SYNPR: variants seen among roughly 807,000 people sequenced by gnomAD.
The protein encoded by SYNPR is synaptoporin.
In SYNPR, 23 loss-of-function variants were observed where a neutral mutation model predicts 32.9. That is an observed-to-expected ratio of 0.70 (90% CI 0.50 to 0.99). The LOEUF (loss-of-function observed/expected upper bound fraction) is 0.99. Among genes scored for constraint, SYNPR ranks in the 50% least tolerant of loss-of-function variants. The pLI, the probability that SYNPR is intolerant of heterozygous loss-of-function variation, is 0.00. For missense variants in SYNPR, 318 were observed against 349.3 expected (o/e 0.91, Z 0.71); for synonymous variants, 146 against 135.9 (o/e 1.07, Z -0.52).
chr3:63,348,581 C>A (rs1166335649), intron 2 of SYNPR, among the ~76,000 whole-genome samples: 1 of 152,076 alleles, frequency 6.6e-6, no homozygotes, highest in Non-Finnish European at 1.5e-5. Context: ...CTTTTGACAT[C>A]TTAGTTTATT....
At chr3:63,604,503 C>CA (rs1700090194) in intron 4 of SYNPR, among the ~76,000 whole-genome samples, 1 of 152,158 alleles carries the variant, frequency 6.6e-6, no homozygotes, top group Non-Finnish European at 1.5e-5. Flanking sequence ...TCCCTCTTAA[C>CA]ACTGCTTTCG....
At chr3:63,282,953 A>G (rs546958304) in intron 2 of SYNPR, among the ~76,000 whole-genome samples, 1 of 152,302 alleles carries the variant, frequency 6.6e-6, no homozygotes, top group East Asian at 1.9e-4. Context: ...CGTGTGTGCA[A>G]TTTGTATGAA....
At chr3:63,359,379 C>G (rs1345711382) in intron 2 of SYNPR, among the ~76,000 whole-genome samples, 2 of 152,220 alleles carry the variant, frequency 1.3e-5, no homozygotes, top group Non-Finnish European at 2.9e-5. Context: ...AACCACACTA[C>G]CGTTAGGAGA....
At chr3:63,576,487 T>G (rs916769627) in intron 4 of SYNPR, among the ~76,000 whole-genome samples, 3 of 152,038 alleles carry the variant, frequency 2.0e-5, no homozygotes, top group African/African-American at 7.2e-5. Flanking sequence ...CAGTTTTCCA[T>G]GCATAGAAAA....
chr3:63,399,715 T>G (rs150974295), intron 2 of SYNPR, among the ~76,000 whole-genome samples: 2 of 152,268 alleles, frequency 1.3e-5, no homozygotes, highest in African/African-American at 4.8e-5. Flanking sequence ...TAGGTTATTG[T>G]GCCAAGTTTA....
chr3:63,487,289 T>C (rs777478099), intron 3 of SYNPR, among the ~76,000 whole-genome samples: 10 of 152,314 alleles, frequency 6.6e-5, no homozygotes, highest in Non-Finnish European at 1.5e-4. Flanking sequence ...AGCTACTTAT[T>C]AGCTGTATGA....
intron 2 of SYNPR, among the ~76,000 whole-genome samples, chr3:63,291,797 AT>A (rs1319524620): frequency 6.6e-6 from 1 of 152,028 alleles, no homozygotes; most frequent in Non-Finnish European, 1.5e-5. Context: ...CAGTACGTAA[AT>A]TTGAAGTATA....
intron 1 of SYNPR, among the ~76,000 whole-genome samples, chr3:63,234,604 A>G (rs566451100): frequency 6.6e-6 from 1 of 152,336 alleles, no homozygotes; most frequent in African/African-American, 2.4e-5. Flanking sequence ...TCTCAGCTAT[A>G]CAGAAATTCT....
At chr3:63,268,825 A>G (rs17373870) in intron 3 of SYNPR, among the ~76,000 whole-genome samples, 38,384 of 152,136 alleles carry the variant, frequency 0.25, 5,736 homozygotes, top group Admixed American at 0.34. Flanking sequence ...TTATTTTATT[A>G]CAAGGAAGTT....
chr3:63,514,389 G>GA, intron 3 of SYNPR, among the ~76,000 whole-genome samples: 1 of 152,312 alleles, frequency 6.6e-6, no homozygotes, highest in African/African-American at 2.4e-5. Context: ...GAACATCATG[G>GA]AAAATGGAAC....
intron 2 of SYNPR, among the ~76,000 whole-genome samples, chr3:63,262,740 C>G (rs1278502046): frequency 6.6e-6 from 1 of 152,106 alleles, no homozygotes; most frequent in Non-Finnish European, 1.5e-5. Context: ...AGTCCAGAGC[C>G]AAGTAGGTCC....
At chr3:63,440,020 T>G (rs1213801386) in intron 2 of SYNPR, among the ~76,000 whole-genome samples, 2 of 152,158 alleles carry the variant, frequency 1.3e-5, no homozygotes, top group African/African-American at 2.4e-5. Flanking sequence ...TAAATGGAGA[T>G]AGTCAATAAT....
chr3:63,545,027 G>GAAAA (rs35822196), intron 3 of SYNPR, among the ~76,000 whole-genome samples: 1 of 146,648 alleles, frequency 6.8e-6, no homozygotes. Flanking sequence ...TGATTTAGGG[G>GAAAA]AAAAAAAAAA....
intron 5 of SYNPR, among the ~76,000 whole-genome samples, chr3:63,611,505 A>G (rs1700197135): frequency 6.6e-6 from 1 of 152,232 alleles, no homozygotes; most frequent in Non-Finnish European, 1.5e-5. Flanking sequence ...AAAACTGAAA[A>G]TAGTTGGAAA....
At chr3:63,359,977 G>C (rs1186638438) in intron 2 of SYNPR, among the ~76,000 whole-genome samples, 1 of 152,150 alleles carries the variant, frequency 6.6e-6, no homozygotes, top group African/African-American at 2.4e-5. Context: ...GGTTTATCAA[G>C]AGGCGATTTA....
At chr3:63,316,152 T>C (rs1013513863) in intron 2 of SYNPR, among the ~76,000 whole-genome samples, 1 of 151,810 alleles carries the variant, frequency 6.6e-6, no homozygotes, top group Non-Finnish European at 1.5e-5. Flanking sequence ...AGTATTTTGT[T>C]AAGGAGCATC....
At chr3:63,520,774 C>T (rs1021933186) in intron 3 of SYNPR, among the ~76,000 whole-genome samples, 1 of 152,096 alleles carries the variant, frequency 6.6e-6, no homozygotes, top group African/African-American at 2.4e-5. Flanking sequence ...GAATTTGAAT[C>T]CAAGTCATGT....
chr3:63,344,836 G>A (rs1468115784), intron 2 of SYNPR, among the ~76,000 whole-genome samples: 1 of 152,046 alleles, frequency 6.6e-6, no homozygotes, highest in African/African-American at 2.4e-5. Context: ...TGGTGAATGG[G>A]GGGAATGGTG....
chr3:63,501,960 G>A (rs1030589892), intron 3 of SYNPR, among the ~76,000 whole-genome samples: 3 of 152,102 alleles, frequency 2.0e-5, no homozygotes, highest in African/African-American at 7.2e-5. Context: ...GAGGTATGCT[G>A]TAAGTGTAAA....
Sources: gnomAD v4.1 joint callset for allele counts (sites outside exome capture counted in the v4.1 genomes callset) on GRCh38, gnomAD v4.1.1 for gene constraint, MANE v1.5 for transcripts, NCBI Gene and HGNC (gene_info 2026-07-23, HGNC 2026-07-21) for gene names.